The following CD84 variants were observed in gnomAD, a reference collection of about 807,000 sequenced individuals.
CD84 encodes CD84 molecule.
Under a neutral mutation model 33.8 loss-of-function variants are expected in CD84, and 22 were observed. That is an observed-to-expected ratio of 0.65 (90% CI 0.46 to 0.93). The LOEUF is 0.93. CD84 is among the 40% of genes least tolerant of loss of function. The pLI, the probability that CD84 is intolerant of heterozygous loss-of-function variation, is 0.00. For missense variants in CD84, 400 were observed against 397.6 expected, an observed-to-expected ratio of 1.01 and a Z score of -0.05; for synonymous variants, 154 against 145.2, an observed-to-expected ratio of 1.06 and a Z score of -0.44.
chr1:160,564,316 C>T (rs1210789006), intron 2 of CD84, among the ~76,000 whole-genome samples: 1 of 152,178 alleles, frequency 6.6e-6, no homozygotes, highest in African/African-American at 2.4e-5. Context: ...GAAACTGGAT[C>T]ACTCATACAT....
chr1:160,575,444 T>C (rs1307541258), intron 1 of CD84, among the ~76,000 whole-genome samples: 1 of 151,924 alleles, frequency 6.6e-6, no homozygotes, highest in Non-Finnish European at 1.5e-5. Flanking sequence ...GGAGTTTTAC[T>C]TTATATCACC....
chr1:160,574,837 T>C (rs1657900812), intron 1 of CD84, among the ~76,000 whole-genome samples: 3 of 152,098 alleles, frequency 2.0e-5, no homozygotes, highest in Non-Finnish European at 2.9e-5. Flanking sequence ...ATTATGAGGG[T>C]TAAATGAATT....
intron 1 of CD84, among the ~76,000 whole-genome samples, chr1:160,570,759 G>A: frequency 6.6e-6 from 1 of 152,278 alleles, no homozygotes; most frequent in African/African-American, 2.4e-5. Context: ...CTGCCCAGGA[G>A]GCTGAGATGA....
At chr1:160,568,787 GT>G (rs917787848) in intron 1 of CD84, among the ~76,000 whole-genome samples, 8 of 151,996 alleles carry the variant, frequency 5.3e-5, no homozygotes, top group African/African-American at 1.9e-4. Flanking sequence ...CGGCTAGCTA[GT>G]TTTTGTATTT....
At chr1:160,567,169 A>C (rs7517554) in intron 1 of CD84, among the ~76,000 whole-genome samples, 1 of 152,140 alleles carries the variant, frequency 6.6e-6, no homozygotes, top group Admixed American at 6.5e-5. Flanking sequence ...AGTTTTCCAC[A>C]TAAGTGGGTT....
chr1:160,572,651 T>G (rs1443695793), intron 1 of CD84, among the ~76,000 whole-genome samples: 1 of 152,156 alleles, frequency 6.6e-6, no homozygotes, highest in Non-Finnish European at 1.5e-5. Context: ...AAGTGTTTGC[T>G]AACTACCCTT....
intron 1 of CD84, among the ~76,000 whole-genome samples, chr1:160,575,299 A>T (rs1463273616): frequency 6.6e-6 from 1 of 152,064 alleles, no homozygotes; most frequent in Admixed American, 6.6e-5. Flanking sequence ...AGGGACATAG[A>T]GGGGAAGAGG....
At position 160,543,618 on chromosome 1, in the gene CD84, T is replaced by TTATTATTAG. The variant is rs1423701285; in HGVS notation, c.*4637_*4638insCTAATAATA. On this transcript the variant is annotated 3_prime_UTR_variant, in exon 7 of 7. Transcript: ENST00000368054. ...CCATTATTATTTATTATTATTATTATTATTATTATTATTTAGGTATATCCC... is the reference window on the plus strand; with the variant it reads ...CCATTATTATTTATTATTATTATTATTATTATTAGTATTATTATTATTTAGGTATATCCC... 1 of 147,160 alleles carries TTATTATTAG rather than the reference T, an allele frequency of 6.8e-6. No individual in the cohort carries two copies. Among genetic ancestry groups the TTATTATTAG allele is most frequent in the African/African-American group, 2.5e-5 (1 of 40,170 alleles). The allele number at this position is 147,160 out of a possible 1,614,324, so 9.1% of individuals were successfully genotyped here.
chr1:160,567,964 T>C (rs1657430731), intron 1 of CD84, among the ~76,000 whole-genome samples: 1 of 152,094 alleles, frequency 6.6e-6, no homozygotes, highest in African/African-American at 2.4e-5. Flanking sequence ...AAATTCTACA[T>C]ACTATTTAAA....
Position 160,565,497 on chromosome 1 carries a change from G to C in CD84, c.295C>G (p.Leu99Val). Residue 99 changes from leucine to valine, a missense_variant, in exon 2 of 7, where the codon CTG (leucine) becomes GTG (valine). Coordinates refer to ENST00000368054, the MANE Select transcript of CD84 (RefSeq NM_003874.4). ...GPNYNLVISD[L>V]RMEDAGDYKA... Reference sequence around the variant, plus strand: ...TAGTCTCCTGCGTCTTCCATCCTCAGATCGCTAATGACCAGATTGTAGTTC... The same window carrying C: ...TAGTCTCCTGCGTCTTCCATCCTCACATCGCTAATGACCAGATTGTAGTTC... The C allele has an allele frequency of 6.2e-7, 1 of 1,613,910 alleles. No individual in the cohort carries two copies.
intron 3 of CD84, 24 bp downstream of exon 3, chr1:160,553,871 G>A: frequency 1.2e-6 from 2 of 1,614,122 alleles, no homozygotes; most frequent in South Asian, 2.2e-5. Context: ...AGACTCACCA[G>A]GAGAGATGGG....
rs1557961059 is a variant in CD84 at position 160,542,297 on chromosome 1, C to T, written c.*5959G>A. The T allele has an allele frequency of 6.6e-6, 1 of 152,154 alleles. No individual in the cohort carries two copies. The highest frequency in any genetic ancestry group is 2.4e-5 in the African/African-American group (1 of 41,426). 9.4% of individuals were successfully genotyped at this position (152,154 alleles called of 1,614,324 possible). On this transcript the variant is annotated 3_prime_UTR_variant, in exon 7 of 7. Transcript: ENST00000368054. ...GGACTTTAAATGAGTAAATGTAAAA[C>T]AGGACAGGGAATAGTACATAGTAGG...
chr1:160,547,967 A>G lies in CD84; in HGVS notation c.*289T>C. The G allele has an allele frequency of 2.4e-6, 1 of 417,062 alleles. No homozygotes were observed. The highest frequency in any genetic ancestry group is 4.5e-6 in the Non-Finnish European group (1 of 224,584). 25.8% of individuals were successfully genotyped at this position (417,062 alleles called of 1,614,324 possible). On this transcript the variant is annotated 3_prime_UTR_variant, in exon 7 of 7. Coordinates refer to ENST00000368054, the MANE Select transcript of CD84 (RefSeq NM_003874.4). ...TTGTTTATCCCAGTGTGCCATAAAA[A>G]TATTATTTTCTACATGTGCTATGAT...
In CD84 at chr1:160,549,327, G is replaced by A. The variant is rs369132354; in HGVS notation, c.921+590C>T. 6.6e-5 allele frequency among the ~76,000 whole-genome samples: 10 copies of A among 152,282 alleles called. No homozygotes were observed. The East Asian group carries it at 1.2e-3, about 18-fold the overall frequency. On this transcript the variant is annotated intron_variant, in intron 6 of 6. Coordinates refer to ENST00000368054, the MANE Select transcript of CD84 (RefSeq NM_003874.4). ...CCCTAAAGCTGTCCTGATTGTAGCA[G>A]CAGTGAGGACCTTCAGATAGTGACA...
In CD84 at chr1:160,565,742, G is replaced by A. The variant is rs544642873; in HGVS notation, c.50C>T (p.Pro17Leu). The A allele has an allele frequency of 3.3e-5, 53 of 1,589,206 alleles. No homozygotes were observed. The South Asian group carries it at 5.2e-4, about 15-fold the overall frequency. The change falls in exon 2 of 7, where the codon CCG (proline) becomes CTG (leucine). Residue 17 changes from proline (P) to leucine (L), a missense_variant. Pro to Leu is a moderately conservative substitution (Grantham distance 98, BLOSUM62 -3). Coordinates refer to ENST00000368054, the MANE Select transcript of CD84 (RefSeq NM_003874.4). ...TTCTGAGTCTTTTCCAGCTGCTTCC[G>A]GCCCTGAGAACATAAAAAGAAAACT... The part of the protein sequence containing the change: ...WILLLCLQTW[P>L]EAAGKDSEIF...
At chr1:160,552,790 G>GT (rs1656323400) in intron 4 of CD84, 1 of 1,361,982 alleles carries the variant, frequency 7.3e-7, no homozygotes, top group Non-Finnish European at 1.0e-6. Context: ...GAAGTTCCAT[G>GT]TTTTTTATTG....
chr1:160,565,427 T>A lies in CD84; in HGVS notation c.365A>T (p.Lys122Met), dbSNP rs777579832. The change falls in exon 2 of 7, where the codon AAG becomes ATG. Residue 122 changes from lysine (K) to methionine (M), a missense_variant. By Grantham distance (95) the Lys-to-Met change is moderately conservative (BLOSUM62 -1). Coordinates refer to ENST00000368054, the MANE Select transcript of CD84 (RefSeq NM_003874.4). ...ACGATAGATTTGCAGGTTGTAGCGC[T>A]TGGTGGTGGTGTAGGGATCAGCCTG... ...NTQADPYTTTKRYNLQIYRRL... is the reference protein window; with the variant it reads ...NTQADPYTTTMRYNLQIYRRL... 6.2e-7 allele frequency: 1 copy of A among 1,607,956 alleles called. No individual in the cohort carries two copies.
intron 1 of CD84, among the ~76,000 whole-genome samples, chr1:160,578,212 G>A (rs183370474): frequency 4.9e-4 from 74 of 152,262 alleles, no homozygotes; most frequent in Non-Finnish European, 8.8e-4. Context: ...GTTTTCATAT[G>A]GATGACATAA....
intron 2 of CD84, among the ~76,000 whole-genome samples, chr1:160,557,913 T>A (rs996430705): frequency 5.9e-5 from 9 of 152,162 alleles, no homozygotes; most frequent in African/African-American, 2.2e-4. Context: ...TTACTCTCAC[T>A]GGGTGGGACC....
Sources: gnomAD v4.1 joint callset for allele counts (sites outside exome capture counted in the v4.1 genomes callset) on GRCh38, gnomAD v4.1.1 for gene constraint, MANE v1.5 for transcripts, NCBI Gene and HGNC (gene_info 2026-07-23, HGNC 2026-07-21) for gene names.